SLC24A2: variants seen among roughly 807,000 people sequenced by gnomAD.
SLC24A2 encodes the protein solute carrier family 24 member 2.
SLC24A2 carries 36 observed loss-of-function variants against 62.0 expected under a neutral mutation model. That is an observed-to-expected ratio of 0.58 (90% CI 0.44 to 0.77). The LOEUF (loss-of-function observed/expected upper bound fraction) is 0.77. Among genes scored for constraint, SLC24A2 ranks in the 30% least tolerant of loss-of-function variants. The pLI is 0.00. For synonymous variants in SLC24A2, 358 were observed against 294.0 expected (o/e 1.22, Z -2.23); for missense variants, 846 against 817.9 (o/e 1.03, Z -0.42).
the SLC24A2 span, among the ~76,000 whole-genome samples, chr9:19,921,518 TA>T: frequency 2.4e-3 from 300 of 123,172 alleles, 1 homozygote; most frequent in Middle Eastern, 8.6e-3. Context: ...AGACTCCGTG[TA>T]AAAAAAAAAA....
At chr9:20,032,988 T>C in the SLC24A2 span, among the ~76,000 whole-genome samples, 1 of 152,232 alleles carries the variant, frequency 6.6e-6, no homozygotes, top group Non-Finnish European at 1.5e-5. Flanking sequence ...CAAAAATACC[T>C]TGGTGAATCA....
the SLC24A2 span, among the ~76,000 whole-genome samples, chr9:19,945,721 G>C: frequency 6.6e-6 from 1 of 152,196 alleles, no homozygotes; most frequent in African/African-American, 2.4e-5. Flanking sequence ...GCAAGAGGCA[G>C]AGCCAAGATC....
chr9:20,054,303 T>C, the SLC24A2 span, among the ~76,000 whole-genome samples: 3 of 152,144 alleles, frequency 2.0e-5, no homozygotes, highest in Non-Finnish European at 4.4e-5. Context: ...GTGATTCTCC[T>C]GTCTCAGCCT....
the SLC24A2 span, among the ~76,000 whole-genome samples, chr9:20,278,109 T>C: frequency 1.3e-5 from 2 of 151,954 alleles, no homozygotes; most frequent in Non-Finnish European, 2.9e-5. Context: ...GGGGGAGGGA[T>C]AGCATTAGGA....
At chr9:20,004,869 G>C in the SLC24A2 span, among the ~76,000 whole-genome samples, 1 of 151,688 alleles carries the variant, frequency 6.6e-6, no homozygotes, top group South Asian at 2.1e-4. Flanking sequence ...GTAAAGAGGA[G>C]ATTTCTGAAT....
the SLC24A2 span, among the ~76,000 whole-genome samples, chr9:19,968,383 C>T: frequency 6.6e-6 from 1 of 152,120 alleles, no homozygotes; most frequent in Admixed American, 6.6e-5. Context: ...CAAACATTTT[C>T]TCATGCAAAC....
the SLC24A2 span, among the ~76,000 whole-genome samples, chr9:20,096,035 G>C: frequency 6.6e-6 from 1 of 152,104 alleles, no homozygotes; most frequent in Non-Finnish European, 1.5e-5. Context: ...TTGAAGATGA[G>C]ATGTAGGTGG....
intron 10 of SLC24A2, among the ~76,000 whole-genome samples, chr9:19,520,578 TG>T (rs1186659702): frequency 4.6e-5 from 7 of 152,246 alleles, no homozygotes; most frequent in Middle Eastern, 3.4e-3. Context: ...CTTCTTATCA[TG>T]AAGCTATCAC....
intron 7 of SLC24A2, among the ~76,000 whole-genome samples, chr9:19,557,838 T>C (rs573008044): frequency 6.7e-6 from 1 of 149,222 alleles, no homozygotes; most frequent in South Asian, 2.1e-4. Flanking sequence ...TGAGACAGGG[T>C]CTCACTCTGT....
chr9:20,186,495 C>A, the SLC24A2 span, among the ~76,000 whole-genome samples: 6 of 152,162 alleles, frequency 3.9e-5, no homozygotes, highest in Non-Finnish European at 7.3e-5. Context: ...TGGACCACCT[C>A]CCTACTCCAA....
At chr9:19,841,514 G>A in the SLC24A2 span, among the ~76,000 whole-genome samples, 1 of 152,162 alleles carries the variant, frequency 6.6e-6, no homozygotes, top group East Asian at 1.9e-4. Flanking sequence ...GGTTAGGGGA[G>A]GGCATAATGT....
the SLC24A2 span, among the ~76,000 whole-genome samples, chr9:20,239,264 T>C: frequency 6.6e-6 from 1 of 152,210 alleles, no homozygotes; most frequent in Non-Finnish European, 1.5e-5. Flanking sequence ...AAAAAAATTT[T>C]TAAGTATTAA....
the SLC24A2 span, among the ~76,000 whole-genome samples, chr9:20,218,809 G>A: frequency 2.0e-5 from 3 of 152,074 alleles, no homozygotes; most frequent in Admixed American, 6.5e-5. Flanking sequence ...AGTTTCTATA[G>A]GTCAGAAGAC....
At chr9:19,935,410 A>C in the SLC24A2 span, among the ~76,000 whole-genome samples, 1 of 53,424 alleles carries the variant, frequency 1.9e-5, no homozygotes, top group South Asian at 4.1e-4. Flanking sequence ...CAAACAAAAC[A>C]AAAAAAACCC....
the SLC24A2 span, among the ~76,000 whole-genome samples, chr9:19,905,321 T>A: frequency 2.0e-5 from 3 of 152,092 alleles, no homozygotes; most frequent in Middle Eastern, 3.2e-3. Context: ...TTAATATTCA[T>A]CCAGAGCAAC....
At chr9:19,550,650 A>G (rs1377458123) in intron 7 of SLC24A2, among the ~76,000 whole-genome samples, 6 of 152,060 alleles carry the variant, frequency 3.9e-5, no homozygotes, top group Admixed American at 3.3e-4. Flanking sequence ...AGACAGAGTC[A>G]CAAGCTTTCA....
chr9:19,897,437 G>A, the SLC24A2 span, among the ~76,000 whole-genome samples: 1 of 151,902 alleles, frequency 6.6e-6, no homozygotes, highest in African/African-American at 2.4e-5. Flanking sequence ...TCCTTTAAAA[G>A]CCAATTTGAG....
chr9:20,072,154 A>G, the SLC24A2 span, among the ~76,000 whole-genome samples: 2 of 152,106 alleles, frequency 1.3e-5, no homozygotes, highest in Non-Finnish European at 2.9e-5. Context: ...TTCATAGGTT[A>G]TCTATGATTG....
chr9:20,060,085 A>G, the SLC24A2 span, among the ~76,000 whole-genome samples: 1 of 152,120 alleles, frequency 6.6e-6, no homozygotes. Flanking sequence ...AAACATACAA[A>G]TAATTAAAAT....
Sources: allele counts gnomAD v4.1 joint callset (sites outside exome capture counted in the v4.1 genomes callset), GRCh38; gene constraint gnomAD v4.1.1; transcripts MANE v1.5; gene names NCBI Gene and HGNC (gene_info 2026-07-23, HGNC 2026-07-21).